Variants in APOO observed in about 807,000 individuals in gnomAD.
APOO encodes the protein MICOS complex subunit MIC26.
In APOO, 11 loss-of-function variants were observed where a neutral mutation model predicts 23.1. That is an observed-to-expected ratio of 0.48 (90% CI 0.30 to 0.79). APOO has a LOEUF of 0.79. Ranked by LOEUF, APOO falls within the 30% of genes least tolerant of loss-of-function variation. The pLI is 0.07. For synonymous variants in APOO, 59 were observed against 54.8 expected, an observed-to-expected ratio of 1.08 and a Z score of -0.34; for missense variants, 160 against 142.7, an observed-to-expected ratio of 1.12 and a Z score of -0.62.
chrX:23,850,608 CCTGAGGT>C (rs1924491132), intron 7 of APOO, among the ~76,000 whole-genome samples: 1 of 111,737 alleles, frequency 8.9e-6, no homozygotes, highest in African/African-American at 3.3e-5. Context: ...GGGCGGATCA[CCTGAGGT>C]CAGGAGTTTG....
At chrX:23,846,535 T>C (rs1374128976) in intron 7 of APOO, among the ~76,000 whole-genome samples, 3 of 104,243 alleles carry the variant, frequency 2.9e-5, no homozygotes, top group Non-Finnish European at 5.8e-5. Flanking sequence ...GGTAGGAGAA[T>C]TGCTTGAACC....
chrX:23,859,860 GA>G (rs1924940163), intron 5 of APOO, among the ~76,000 whole-genome samples: 1 of 111,498 alleles, frequency 9.0e-6, no homozygotes, highest in African/African-American at 3.2e-5. Flanking sequence ...TAAGAGAGCA[GA>G]AAAAAAGATT....
chrX:23,898,595 A>C (rs1927004094), intron 1 of APOO, among the ~76,000 whole-genome samples: 1 of 112,172 alleles, frequency 8.9e-6, no homozygotes, highest in African/African-American at 3.2e-5. Flanking sequence ...TGACCTCATA[A>C]TGAAAATCTG....
rs560102638 is a variant in APOO at position 23,834,334 on chromosome X, C to T, written c.*30-722G>A. Among the ~76,000 whole-genome samples, 5 of 100,991 alleles carry T rather than the reference C, an allele frequency of 5.0e-5. No homozygotes were observed. The South Asian group carries it at 1.9e-3, about 38-fold the overall frequency. The allele number at this position is 100,991 out of a possible 115,157, so 87.7% of individuals were successfully genotyped here. A position where few individuals can be genotyped will look rare whatever the true frequency, so the allele number is the denominator to read the frequency against. On this transcript the variant is annotated intron_variant, in intron 8 of 8. Transcript: ENST00000379226. ...TTGCTTGAACCCGGGAGGCAGAGGA[C>T]GCAGTGAACCAAGACTGAGCCACTG... is the stretch of plus-strand genomic sequence containing the variant.
intron 4 of APOO, among the ~76,000 whole-genome samples, chrX:23,873,207 G>A (rs1925696275): frequency 9.0e-6 from 1 of 111,027 alleles, no homozygotes; most frequent in South Asian, 3.7e-4. Flanking sequence ...CCAATAAATT[G>A]GTATTTGTAA....
chrX:23,842,675 T>A (rs1414628540), intron 7 of APOO, among the ~76,000 whole-genome samples: 1 of 110,992 alleles, frequency 9.0e-6, no homozygotes, highest in Non-Finnish European at 1.9e-5. Context: ...TAAGGGCCAG[T>A]GAGATAATCA....
At chrX:23,906,757 A>G (rs1334317334) in intron 1 of APOO, among the ~76,000 whole-genome samples, 2 of 112,325 alleles carry the variant, frequency 1.8e-5, no homozygotes, top group Non-Finnish European at 3.8e-5. Context: ...AGATGTTATT[A>G]CCCCAACTTC....
intron 1 of APOO, among the ~76,000 whole-genome samples, chrX:23,904,898 T>G (rs1927287914): frequency 9.0e-6 from 1 of 111,301 alleles, no homozygotes; most frequent in Non-Finnish European, 1.9e-5. Flanking sequence ...CAGTTGGGTT[T>G]TCCCAGCTGA....
chrX:23,880,071 T>C lies in APOO; in HGVS notation c.117+774A>G, dbSNP rs904630817. On this transcript the variant is annotated intron_variant, in intron 2 of 8. Coordinates refer to ENST00000379226, the MANE Select transcript of APOO (RefSeq NM_024122.5). ...AGAAGATTTCTTGTTTTTTTTTTTT[T>C]TAAATTTAGTATTTATTAAGTACAT... Among the ~76,000 whole-genome samples the C allele has an allele frequency of 2.7e-5, 3 of 110,381 alleles. No individual in the cohort carries two copies. In the East Asian group the frequency reaches 8.4e-4, roughly 31 times the overall value.
chrX:23,880,304 G>A (rs963495052), intron 2 of APOO, among the ~76,000 whole-genome samples: 2 of 111,581 alleles, frequency 1.8e-5, no homozygotes, highest in Non-Finnish European at 3.8e-5. Context: ...TTCCTTAATT[G>A]TGCCCTTACC....
intron 1 of APOO, among the ~76,000 whole-genome samples, chrX:23,887,229 CT>C (rs765596270): frequency 1.5e-3 from 83 of 54,212 alleles, no homozygotes; most frequent in African/African-American, 4.5e-3. Flanking sequence ...TTCTTTTTCC[CT>C]TTTTTTTTTT....
At chrX:23,892,255 ATT>A (rs765843540) in intron 1 of APOO, among the ~76,000 whole-genome samples, 4 of 98,412 alleles carry the variant, frequency 4.1e-5, no homozygotes, top group Admixed American at 2.2e-4. Flanking sequence ...CCAGCTAATT[ATT>A]TTTTTTTTTT....
Position 23,878,978 on chromosome X carries a change from G to A in APOO, c.174C>T (p.Ser58=), listed in dbSNP as rs1917368384. 3.4e-5 allele frequency: 41 copies of A among 1,211,311 alleles called. No individual in the cohort carries two copies. The highest frequency in any genetic ancestry group is 4.6e-5 in the Non-Finnish European group (41 of 895,041). ...GCTGTGAGATGCTTTCTTCAAGCTG[G>A]CTCCTTGCCTCCTCCACATACTTCG... ...GQSKYVEEAR[S]QLEESISQLR... The change falls in exon 3 of 9, where the codon AGC becomes AGT. Residue 58 remains serine (S), a synonymous_variant. Coordinates refer to ENST00000379226, the MANE Select transcript of APOO (RefSeq NM_024122.5).
intron 5 of APOO, among the ~76,000 whole-genome samples, chrX:23,864,690 T>C (rs748250808): frequency 1.8e-5 from 2 of 112,447 alleles, no homozygotes; most frequent in South Asian, 7.3e-4. Context: ...TCCCCAACGA[T>C]GGAACTGGGA....
chrX:23,884,851 T>G (rs1926299480), intron 1 of APOO, among the ~76,000 whole-genome samples: 1 of 111,157 alleles, frequency 9.0e-6, no homozygotes, highest in Non-Finnish European at 1.9e-5. Flanking sequence ...AGAGAGGAAG[T>G]AGAAAAAGAG....
intron 1 of APOO, among the ~76,000 whole-genome samples, chrX:23,898,234 G>T (rs2520238): frequency 0.55 from 59,233 of 106,787 alleles, 13,611 homozygotes; most frequent in Non-Finnish European, 0.71. Flanking sequence ...AAGTAGCTGG[G>T]ACTACAGGCA....
chrX:23,862,894 A>G (rs1601904907), intron 5 of APOO, among the ~76,000 whole-genome samples: 2 of 39,682 alleles, frequency 5.0e-5, no homozygotes, highest in African/African-American at 2.1e-4. Flanking sequence ...AAGGGGAGGG[A>G]GGAGGGAAGG....
chrX:23,888,122 T>G (rs953421601), intron 1 of APOO, among the ~76,000 whole-genome samples: 1 of 112,327 alleles, frequency 8.9e-6, no homozygotes, highest in Non-Finnish European at 1.9e-5. Context: ...CAAGGTACAC[T>G]CTATCTTGGA....
At chrX:23,894,525 G>A (rs187557145) in intron 1 of APOO, among the ~76,000 whole-genome samples, 81 of 111,943 alleles carry the variant, frequency 7.2e-4, no homozygotes, top group East Asian at 3.9e-3. Flanking sequence ...GCCAGGCGCC[G>A]TGGCTCACGC....
Sources: allele counts gnomAD v4.1 joint callset (sites outside exome capture counted in the v4.1 genomes callset), GRCh38; gene constraint gnomAD v4.1.1; transcripts MANE v1.5; gene names NCBI Gene and HGNC (gene_info 2026-07-23, HGNC 2026-07-21).